SFI1: variants seen among roughly 807,000 people sequenced by gnomAD.
SFI1 encodes SFI1 centrin binding protein.
In SFI1, 195 loss-of-function variants were observed where a neutral mutation model predicts 207.5. The observed-to-expected ratio is 0.94, with a 90% confidence interval of 0.84 to 1.06. The LOEUF (loss-of-function observed/expected upper bound fraction) is 1.06. Ranked by LOEUF, SFI1 falls within the 50% of genes least tolerant of loss-of-function variation. The pLI, the probability that SFI1 is intolerant of heterozygous loss-of-function variation, is 0.00. For synonymous variants in SFI1, 630 were observed against 598.9 expected (o/e 1.05, Z -0.76); for missense variants, 1,634 against 1,588.0 (o/e 1.03, Z -0.49).
chr22:31,610,814 C>G (rs905234048), intron 22 of SFI1, among the ~76,000 whole-genome samples: 1 of 152,214 alleles, frequency 6.6e-6, no homozygotes, highest in Admixed American at 6.5e-5. Context: ...TCTTCTTCCA[C>G]GTGCCCAGCA....
At chr22:31,589,220 GT>G (rs1355916740) in intron 14 of SFI1, among the ~76,000 whole-genome samples, 1 of 151,354 alleles carries the variant, frequency 6.6e-6, no homozygotes, top group Non-Finnish European at 1.5e-5. Context: ...GCGTGTGTGT[GT>G]GTGTGTGTGT....
At chr22:31,564,431 A>C (rs1408614366) in intron 8 of SFI1, among the ~76,000 whole-genome samples, 1 of 151,108 alleles carries the variant, frequency 6.6e-6, no homozygotes, top group South Asian at 2.1e-4. Context: ...AAAAATTAGC[A>C]GATAGCCAAG....
At position 31,602,219 on chromosome 22, in the gene SFI1, T is replaced by C; in HGVS notation, c.1552T>C (p.Leu518=). 6.2e-7 allele frequency: 1 copy of C among 1,613,590 alleles called. No homozygotes were observed. The highest frequency in any genetic ancestry group is 8.5e-7 in the Non-Finnish European group (1 of 1,179,468). The part of the protein sequence containing the change: ...ARATRFHRET[L]EKQVFSLWRQ... ...TTCTTCCTTGTTTTTTAGGGAGACA[T>C]TAGAGAAGCAAGTATTTTCTCTCTG... Residue 518 remains leucine (L), a synonymous_variant, in exon 16 of 33, where the codon TTA becomes CTA. Transcript: ENST00000400288.
At position 31,611,404 on chromosome 22, in the gene SFI1, CCATG is replaced by C. The variant is rs987541569; in HGVS notation, c.2415+104_2415+107del. ...GGAAGGGGTCTTTCCTGACAGCACT[CCATG>C]CAGCCGGTATGAGTGGTGGGTGGTT... On this transcript the variant is annotated intron_variant, in intron 23 of 32. Transcript: ENST00000400288. 2.2e-6 allele frequency: 3 copies of C among 1,376,532 alleles called. No individual in the cohort carries two copies. In the African/African-American group the frequency reaches 4.4e-5, roughly 20 times the overall value. 85.3% of individuals were successfully genotyped at this position (1,376,532 alleles called of 1,614,324 possible). A position where few individuals can be genotyped will look rare whatever the true frequency, so the allele number is the denominator to read the frequency against.
At chr22:31,514,507 CAAAAAAA>C (rs776120363) in intron 2 of SFI1, among the ~76,000 whole-genome samples, 8 of 48,984 alleles carry the variant, frequency 1.6e-4, no homozygotes, top group Middle Eastern at 0.014. Flanking sequence ...GACTCTGTCT[CAAAAAAA>C]AAAAAAAAAA....
intron 4 of SFI1, among the ~76,000 whole-genome samples, chr22:31,544,478 A>G (rs1397369444): frequency 1.3e-5 from 2 of 152,058 alleles, no homozygotes. Context: ...ATAATTTTCA[A>G]TTCACTTCAT....
chr22:31,577,828 A>AGG (rs931626109), intron 10 of SFI1: 6 of 152,350 alleles, frequency 3.9e-5, no homozygotes, highest in African/African-American at 1.2e-4. Context: ...CAGTTATGGG[A>AGG]GGAGGCTCAC....
chr22:31,534,255 A>G (rs1275273735), intron 4 of SFI1, among the ~76,000 whole-genome samples: 1 of 152,154 alleles, frequency 6.6e-6, no homozygotes, highest in African/African-American at 2.4e-5. Flanking sequence ...GGCCTCCCAA[A>G]GTGCTGGGAT....
At chr22:31,568,834 C>T (rs2062669039) in intron 8 of SFI1, among the ~76,000 whole-genome samples, 2 of 152,070 alleles carry the variant, frequency 1.3e-5, no homozygotes, top group Non-Finnish European at 2.9e-5. Flanking sequence ...ATAGTGGTGC[C>T]TGTAGTCCCA....
Position 31,556,985 on chromosome 22 carries a change from C to G in SFI1, c.588C>G (p.Ile196Met), listed in dbSNP as rs1231158841. The change falls in exon 7 of 33, where the codon ATC becomes ATG. Residue 196 changes from isoleucine (I) to methionine (M), a missense_variant. Transcript: ENST00000400288. ...KMRQAWKSWL[I>M]YVVVRRTKLQ... ...GACAGGCCTGGAAGTCCTGGTTGAT[C>G]TACGTGGTTGTTCGTAGGACCAAAC... 1.2e-6 allele frequency: 2 copies of G among 1,612,096 alleles called. No individual in the cohort carries two copies. The highest frequency in any genetic ancestry group is 1.3e-5 in the African/African-American group (1 of 74,868).
chr22:31,609,380 C>G (rs182937384), intron 22 of SFI1, among the ~76,000 whole-genome samples: 1 of 152,142 alleles, frequency 6.6e-6, no homozygotes, highest in South Asian at 2.1e-4. Context: ...TGCACAGACA[C>G]GCGGCAGACC....
rs201535472 is a variant in SFI1, at chr22:31,575,346, G to A, written c.1038G>A (p.Leu346=). The change falls in exon 10 of 33, where the codon CTG becomes CTA. Residue 346 remains leucine, a synonymous_variant. Transcript: ENST00000400288. ...LYAHHAQVEK[L]ARKMALRRAF... ...CTCACCATGCCCAGGTGGAGAAACT[G>A]GCCAGGAAGATGGCCCTGCGGCGCG... The A allele has an allele frequency of 6.2e-7, 1 of 1,612,744 alleles. No homozygotes were observed. Among genetic ancestry groups the A allele is most frequent in the African/African-American group, 1.3e-5 (1 of 74,984 alleles).
At chr22:31,594,569 A>G (rs1206290962) in intron 15 of SFI1, among the ~76,000 whole-genome samples, 3 of 143,446 alleles carry the variant, frequency 2.1e-5, no homozygotes, top group Non-Finnish European at 4.5e-5. Context: ...AAAAGAAAAG[A>G]AAAAGGCCGG....
At position 31,536,354 on chromosome 22, in the gene SFI1, G is replaced by T. The variant is rs73881384; in HGVS notation, c.338+5225G>T. 3.5e-3 allele frequency among the ~76,000 whole-genome samples: 528 copies of T among 152,250 alleles called. 6 individuals carry two copies. Among genetic ancestry groups the T allele is most frequent in the African/African-American group, 0.012 (516 of 41,562 alleles). On this transcript the variant is annotated intron_variant, in intron 4 of 32. Transcript: ENST00000400288. ...TTAGGTTCCTCAGATGCTACTCGGG[G>T]ATCCAAAGATTGAAAACTGTGTTGC...
At chr22:31,602,529 G>T in intron 16 of SFI1, 78 bp from the exon 17 acceptor site, 1 of 1,515,570 alleles carries the variant, frequency 6.6e-7, no homozygotes, top group Admixed American at 1.7e-5. Flanking sequence ...ATTATTTGTG[G>T]CCTGTAAATT....
chr22:31,555,898 G>A (rs2061112918), intron 6 of SFI1, among the ~76,000 whole-genome samples: 1 of 152,116 alleles, frequency 6.6e-6, no homozygotes, highest in Non-Finnish European at 1.5e-5. Flanking sequence ...GAAATATATA[G>A]TTATAGTCCT....
At chr22:31,589,618 C>G (rs367952632) in intron 15 of SFI1, 41 bp downstream of exon 15, 2 of 1,580,792 alleles carry the variant, frequency 1.3e-6, no homozygotes, top group African/African-American at 2.7e-5. Flanking sequence ...GCAGGTGTTT[C>G]AAATCTAACT....
At chr22:31,498,878 G>A (rs1195797736) in intron 1 of SFI1, among the ~76,000 whole-genome samples, 2 of 131,648 alleles carry the variant, frequency 1.5e-5, no homozygotes, top group Non-Finnish European at 1.6e-5. Context: ...TTTTTTTTGA[G>A]ATGGAGTTTC....
intron 1 of SFI1, among the ~76,000 whole-genome samples, chr22:31,497,986 G>A (rs1243814821): frequency 1.3e-5 from 2 of 152,208 alleles, no homozygotes; most frequent in Non-Finnish European, 2.9e-5. Flanking sequence ...TGACTTTCAA[G>A]TCATTATTTA....
Sources: allele counts gnomAD v4.1 joint callset (sites outside exome capture counted in the v4.1 genomes callset), GRCh38; gene constraint gnomAD v4.1.1; transcripts MANE v1.5; gene names NCBI Gene and HGNC (gene_info 2026-07-23, HGNC 2026-07-21).